Variants in ZNF518A observed in about 807,000 individuals in gnomAD.
ZNF518A encodes zinc finger protein 518.
In ZNF518A, 47 loss-of-function variants were observed where a neutral mutation model predicts 102.7. The observed-to-expected ratio is 0.46, with a 90% CI of 0.36 to 0.58. ZNF518A has a LOEUF of 0.58. Ranked by LOEUF, ZNF518A falls within the 20% of genes least tolerant of loss-of-function variation. The pLI, the probability that ZNF518A is intolerant of heterozygous loss-of-function variation, is 0.00. For missense variants in ZNF518A, 1,793 were observed against 1,699.8 expected (o/e 1.05, Z -0.96); for synonymous variants, 652 against 594.6 (o/e 1.10, Z -1.40).
Position 96,135,543 on chromosome 10 carries a change from T to G in ZNF518A, c.-302+1895T>G, listed in dbSNP as rs17385618. ...TCATCATTTGTGCATGCATTCAATCTACTTTCACTCAACCTACAAACATTT... is the reference window on the plus strand; with the variant it reads ...TCATCATTTGTGCATGCATTCAATCGACTTTCACTCAACCTACAAACATTT... On this transcript the variant is annotated intron_variant, in intron 3 of 5. Coordinates refer to ENST00000316045, the MANE Select transcript of ZNF518A (RefSeq NM_001330736.2). 5.3e-3 allele frequency among the ~76,000 whole-genome samples: 800 copies of G among 152,370 alleles called. 4 individuals are homozygous for G. Among genetic ancestry groups the G allele is most frequent in the Non-Finnish European group, 8.3e-3 (567 of 68,026 alleles).
At position 96,146,092 on chromosome 10, in the gene ZNF518A, C is replaced by G. The variant is rs1368877227; in HGVS notation, c.-301-9234C>G. 5.9e-5 allele frequency among the ~76,000 whole-genome samples: 9 copies of G among 151,970 alleles called. No individual in the cohort carries two copies. The East Asian group carries it at 7.7e-4, about 13-fold the overall frequency. On this transcript the variant is annotated intron_variant, in intron 3 of 5. Coordinates refer to ENST00000316045, the MANE Select transcript of ZNF518A (RefSeq NM_001330736.2). ...TTTGAACAAATTAAACTCTATATGT[C>G]TACTGTTTATTTTTTTTTCACTTAA...
chr10:96,139,282 T>C (rs2081788116), intron 3 of ZNF518A, among the ~76,000 whole-genome samples: 1 of 152,182 alleles, frequency 6.6e-6, no homozygotes, highest in African/African-American at 2.4e-5. Context: ...CTTGTTGCTA[T>C]AGGCTGAATG....
At chr10:96,185,155 G>T (rs1591280440) in intron 1 of ZNF518A, among the ~76,000 whole-genome samples, 1 of 152,160 alleles carries the variant, frequency 6.6e-6, no homozygotes, top group Non-Finnish European at 1.5e-5. Flanking sequence ...GCTCCATCAG[G>T]TCATTTAAGG....
At position 96,152,885 on chromosome 10, in the gene ZNF518A, T is replaced by G. The variant is rs2082518318; in HGVS notation, c.-301-2441T>G. Among the ~76,000 whole-genome samples, 4 of 152,218 alleles carry G rather than the reference T, an allele frequency of 2.6e-5. No homozygotes were observed. In the South Asian group the frequency reaches 8.3e-4, roughly 31 times the overall value. On this transcript the variant is annotated intron_variant, in intron 3 of 5. Coordinates refer to ENST00000316045, the MANE Select transcript of ZNF518A (RefSeq NM_001330736.2). ...GGCCAAAACATAATTATGCAGCATGTGACTATATATAGATTGATTGATAGA... is the reference window on the plus strand; with the variant it reads ...GGCCAAAACATAATTATGCAGCATGGGACTATATATAGATTGATTGATAGA...
intron 1 of ZNF518A, among the ~76,000 whole-genome samples, chr10:96,172,790 A>C (rs782620244): frequency 4.7e-4 from 72 of 152,190 alleles, no homozygotes; most frequent in Non-Finnish European, 9.1e-4. Context: ...TATAAAAAAC[A>C]AAAGCACACT....
chr10:96,194,768 AT>A (rs71034364), intron 1 of ZNF518A, among the ~76,000 whole-genome samples: 15,925 of 110,060 alleles, frequency 0.14, 1,009 homozygotes, highest in Middle Eastern at 0.22. Context: ...AGAAATGCAA[AT>A]TTTTTTTTTT....
In ZNF518A at chr10:96,156,830, C is replaced by G; in HGVS notation, c.508C>G (p.Arg170Gly). ...CTTTCAGGTATTTAAACAACACAGACGAACCCATAGAAGCACTTTAGTAAA... is the reference window on the plus strand; with the variant it reads ...CTTTCAGGTATTTAAACAACACAGAGGAACCCATAGAAGCACTTTAGTAAA... ...NDFQVFKQHR[R>G]THRSTLVKCD... Residue 170 changes from arginine to glycine, a missense_variant, in exon 6 of 6, where the codon CGA becomes GGA. Transcript: ENST00000316045. 1 of 1,613,796 alleles carries G rather than the reference C, an allele frequency of 6.2e-7. No homozygotes were observed.
Position 96,159,119 on chromosome 10 carries a change from C to T in ZNF518A, c.2797C>T (p.Gln933Ter). The T allele has an allele frequency of 6.2e-7, 1 of 1,611,626 alleles. No homozygotes were observed. Among genetic ancestry groups the T allele is most frequent in the South Asian group, 1.1e-5 (1 of 90,456 alleles). The change falls in exon 6 of 6, where the codon CAG becomes TAG. Residue 933 changes from glutamine (Q) to a stop codon, truncating the protein, a stop_gained. Coordinates refer to ENST00000316045, the MANE Select transcript of ZNF518A (RefSeq NM_001330736.2). LOFTEE classifies it high-confidence loss of function. ...NSEQKKTIIVQTSKGFLIPLN... is the reference protein window; with the variant it reads ...NSEQKKTIIV ...AGAACAAAAAAAAACTATAATTGTTCAGACTTCAAAAGGATTCTTAATACC... is the reference window on the plus strand; with the variant it reads ...AGAACAAAAAAAAACTATAATTGTTTAGACTTCAAAAGGATTCTTAATACC...
intron 1 of ZNF518A, among the ~76,000 whole-genome samples, chr10:96,176,915 G>A (rs1485126614): frequency 1.3e-5 from 2 of 151,684 alleles, no homozygotes; most frequent in East Asian, 1.9e-4. Flanking sequence ...CAAACAAAAA[G>A]CAATAAAAAC....
chr10:96,189,323 A>G, intron 1 of ZNF518A: 8 of 515,014 alleles, frequency 1.6e-5, no homozygotes, highest in South Asian at 1.3e-4. Context: ...AAATGAAATA[A>G]GATGGAAAAA....
intron 3 of ZNF518A, among the ~76,000 whole-genome samples, chr10:96,149,918 C>G (rs2082348676): frequency 1.3e-5 from 2 of 152,284 alleles, no homozygotes; most frequent in South Asian, 4.1e-4. Context: ...TTTTCCCTCA[C>G]ATATGGGAGC....
intron 1 of ZNF518A, among the ~76,000 whole-genome samples, chr10:96,197,319 T>C (rs1417937130): frequency 6.6e-6 from 1 of 152,168 alleles, no homozygotes; most frequent in African/African-American, 2.4e-5. Context: ...TAATTAATTA[T>C]TTTTAGAAAC....
In ZNF518A at chr10:96,163,368, AG is replaced by A. The variant is rs1554889080; in HGVS notation, c.*2595del. The A allele has an allele frequency of 6.0e-6, 1 of 166,940 alleles. No individual in the cohort carries two copies. The highest frequency in any genetic ancestry group is 2.4e-5 in the African/African-American group (1 of 41,450). The allele number at this position is 166,940 out of a possible 1,614,324, so 10.3% of individuals were successfully genotyped here. On this transcript the variant is annotated 3_prime_UTR_variant, in exon 6 of 6. Coordinates refer to ENST00000316045, the MANE Select transcript of ZNF518A (RefSeq NM_001330736.2). ...GGCTTTCCAAAATATGATTTTCAGT[AG>A]TTCGAGGTTCTTATTACAATTGAAG... is the stretch of plus-strand genomic sequence containing the variant.
chr10:96,151,508 T>G (rs945420616), intron 3 of ZNF518A: 1 of 152,380 alleles, frequency 6.6e-6, no homozygotes, highest in East Asian at 1.9e-4. Flanking sequence ...AGCCTGAGCC[T>G]TCTGTCACCC....
At chr10:96,148,785 G>A (rs1213744635) in intron 3 of ZNF518A, among the ~76,000 whole-genome samples, 84 of 152,238 alleles carry the variant, frequency 5.5e-4, no homozygotes. Flanking sequence ...GCATGGTCTC[G>A]GCTCACTGCA....
At chr10:96,197,411 C>T (rs1554894964) in intron 1 of ZNF518A, among the ~76,000 whole-genome samples, 1 of 152,132 alleles carries the variant, frequency 6.6e-6, no homozygotes, top group Non-Finnish European at 1.5e-5. Context: ...TTCAAGCGAT[C>T]CTCCCACCTC....
In ZNF518A at chr10:96,158,868, A is replaced by G. The variant is rs2082846293; in HGVS notation, c.2546A>G (p.Asn849Ser). ...GTTCCACCTGGCAGTGTGGGTATTA[A>G]TGTGCCTACAAATGATTTGAATTTG... ...FPVPPGSVGI[N>S]VPTNDLNLKF... The change falls in exon 6 of 6, where the codon AAT (asparagine) becomes AGT (serine). Residue 849 changes from asparagine to serine, a missense_variant. Asn to Ser is a conservative substitution (Grantham distance 46). Transcript: ENST00000316045. 1 of 1,613,676 alleles carries G rather than the reference A, an allele frequency of 6.2e-7. No homozygotes were observed. The highest frequency in any genetic ancestry group is 1.3e-5 in the African/African-American group (1 of 74,918).
intron 4 of ZNF518A, chr10:96,155,607 G>C (rs2082660681): frequency 6.6e-6 from 1 of 152,184 alleles, no homozygotes; most frequent in Non-Finnish European, 1.5e-5. Context: ...TTTCTAACTT[G>C]TTAGTAATGA....
chr10:96,174,025 A>G (rs893808350), intron 1 of ZNF518A, among the ~76,000 whole-genome samples: 1 of 152,114 alleles, frequency 6.6e-6, no homozygotes, highest in Non-Finnish European at 1.5e-5. Flanking sequence ...CAAGTAACAA[A>G]CTTTCTTGAG....
Sources: gnomAD v4.1 joint callset for allele counts (sites outside exome capture counted in the v4.1 genomes callset) on GRCh38, gnomAD v4.1.1 for gene constraint, MANE v1.5 for transcripts, NCBI Gene and HGNC (gene_info 2026-07-23, HGNC 2026-07-21) for gene names.